PITPNM3: variants seen among roughly 807,000 people sequenced by gnomAD.
PITPNM3 encodes the protein membrane-associated phosphatidylinositol transfer protein 3.
A neutral mutation model predicts 102.0 loss-of-function variants in PITPNM3; 26 were observed. That is an observed-to-expected ratio of 0.25 (90% CI 0.19 to 0.35). The LOEUF is 0.35. Among genes scored for constraint, PITPNM3 ranks in the 10% least tolerant of loss-of-function variants. The pLI, the probability that PITPNM3 is intolerant of heterozygous loss-of-function variation, is 1.00. For missense variants in PITPNM3, 1,083 were observed against 1,346.1 expected (o/e 0.80, Z 3.06); for synonymous variants, 578 against 558.6 (o/e 1.03, Z -0.49).
In PITPNM3 at chr17:6,556,046, T is replaced by A. The variant is rs1910586273; in HGVS notation, c.22+339A>T. On this transcript the variant is annotated intron_variant, in intron 1 of 19. Coordinates refer to ENST00000262483, the MANE Select transcript of PITPNM3 (RefSeq NM_031220.4). The surrounding 1 kb of genome is among the most constrained non-coding windows in gnomAD (Gnocchi z 5.2). ...GAAGCGGCGGCCGCGGGACATCCCC[T>A]TCGGTGGCGAAGCCCGGGTCTGCCC... 6.6e-6 allele frequency among the ~76,000 whole-genome samples: 1 copy of A among 151,944 alleles called. No individual in the cohort carries two copies. Among genetic ancestry groups the A allele is most frequent in the South Asian group, 2.1e-4 (1 of 4,822 alleles).
chr17:6,500,839 C>T (rs1907125294), intron 4 of PITPNM3, among the ~76,000 whole-genome samples: 1 of 152,106 alleles, frequency 6.6e-6, no homozygotes, highest in African/African-American at 2.4e-5. Flanking sequence ...TCACACCTGG[C>T]TAATTTTTGT....
intron 3 of PITPNM3, among the ~76,000 whole-genome samples, chr17:6,505,214 A>ATATG (rs1238892661): frequency 6.7e-6 from 1 of 149,900 alleles, no homozygotes; most frequent in African/African-American, 2.5e-5. Context: ...ATATATATAT[A>ATATG]TGTAAAGCCT....
In PITPNM3 at chr17:6,477,450, G is replaced by C. The variant is rs563221946; in HGVS notation, c.901-237C>G. Among the ~76,000 whole-genome samples, 10 of 152,250 alleles carry C rather than the reference G, an allele frequency of 6.6e-5. No homozygotes were observed. In the East Asian group the frequency reaches 1.9e-3, roughly 29 times the overall value. ...CTGGGATGCTGGATGGCTGTCGAAG[G>C]GGCCAAATCCAGCTCTCCAGGCCTC... On this transcript the variant is annotated intron_variant, in intron 8 of 19. Transcript: ENST00000262483.
At chr17:6,464,053 T>C (rs1325588058) in intron 16 of PITPNM3, 117 bp downstream of exon 16, 2 of 1,541,826 alleles carry the variant, frequency 1.3e-6, no homozygotes, top group African/African-American at 1.4e-5. Context: ...CCTCTGTCCA[T>C]GCAGACAGAG....
At position 6,483,707 on chromosome 17, in the gene PITPNM3, C is replaced by T; in HGVS notation, c.397G>A (p.Val133Ile). Reference sequence around the variant, plus strand: ...TCCAGGATGTTTCCCCCATGCAGGACCAGCAGGAGGACATGTGTCTTGCAG... The same window carrying T: ...TCCAGGATGTTTCCCCCATGCAGGATCAGCAGGAGGACATGTGTCTTGCAG... ...RSCKTHVLLL[V>I]LHGGNILDTG... is the part of the protein sequence containing the mutation. Residue 133 changes from valine to isoleucine, a missense_variant, in exon 6 of 20, where the codon GTC becomes ATC. Transcript: ENST00000262483. The T allele has an allele frequency of 6.2e-7, 1 of 1,613,964 alleles. No homozygotes were observed. The highest frequency in any genetic ancestry group is 8.5e-7 in the Non-Finnish European group (1 of 1,180,016).
At position 6,468,153 on chromosome 17, in the gene PITPNM3, CCCAGCCCCCGGG is replaced by C; in HGVS notation, c.1890+60_1890+71del. ...AAGCGCTTACCTCCCATGTGGATGC[CCCAGCCCCCGGG>C]CCAGCCCCACCTCCCGGAGGACACA... On this transcript the variant is annotated intron_variant, in intron 14 of 19. Coordinates refer to ENST00000262483, the MANE Select transcript of PITPNM3 (RefSeq NM_031220.4). The surrounding 1 kb of genome is among the most constrained non-coding windows in gnomAD (Gnocchi z 5.2). The C allele has an allele frequency of 6.8e-7, 1 of 1,473,514 alleles. No homozygotes were observed. The highest frequency in any genetic ancestry group is 9.5e-7 in the Non-Finnish European group (1 of 1,057,232). The allele number at this position is 1,473,514 out of a possible 1,614,324, so 91.3% of individuals were successfully genotyped here.
intron 3 of PITPNM3, among the ~76,000 whole-genome samples, chr17:6,510,330 T>A (rs1242462115): frequency 6.6e-6 from 1 of 152,176 alleles, no homozygotes; most frequent in African/African-American, 2.4e-5. Context: ...CAAATCTCCC[T>A]GCTTCCCACA....
At chr17:6,501,862 T>A (rs1163527948) in intron 4 of PITPNM3, among the ~76,000 whole-genome samples, 1 of 152,170 alleles carries the variant, frequency 6.6e-6, no homozygotes, top group Non-Finnish European at 1.5e-5. Context: ...AATGGCCCCA[T>A]CTCTCAAAAC....
At position 6,468,203 on chromosome 17, in the gene PITPNM3, T is replaced by G; in HGVS notation, c.1890+22A>C. On this transcript the variant is annotated intron_variant, in intron 14 of 19. Coordinates refer to ENST00000262483, the MANE Select transcript of PITPNM3 (RefSeq NM_031220.4). This position sits in a 1 kb window ranked among gnomAD's most constrained non-coding sequence, Gnocchi z 5.2. ...CCCGGAGGACACAGTCCCAGCCACATGCGAACTGAGCATGCACGCACCCTC... is the reference window on the plus strand; with the variant it reads ...CCCGGAGGACACAGTCCCAGCCACAGGCGAACTGAGCATGCACGCACCCTC... 1.2e-6 allele frequency: 2 copies of G among 1,608,138 alleles called. No homozygotes were observed. The highest frequency in any genetic ancestry group is 2.2e-5 in the East Asian group (1 of 44,844).
chr17:6,547,132 T>C (rs1910066525), intron 1 of PITPNM3, among the ~76,000 whole-genome samples: 1 of 152,172 alleles, frequency 6.6e-6, no homozygotes, highest in South Asian at 2.1e-4. Context: ...ACGATTCTTG[T>C]TGACAGATGA....
intron 14 of PITPNM3, among the ~76,000 whole-genome samples, chr17:6,465,662 C>A (rs72830311): frequency 6.6e-6 from 1 of 152,174 alleles, no homozygotes; most frequent in Non-Finnish European, 1.5e-5. Flanking sequence ...CCAGCCCCAC[C>A]GGGATTATCC....
At position 6,454,181 on chromosome 17, in the gene PITPNM3, G is replaced by A. The variant is rs917951038; in HGVS notation, c.*1157C>T. The A allele has an allele frequency of 2.0e-5, 3 of 152,244 alleles. No individual in the cohort carries two copies. Among genetic ancestry groups the A allele is most frequent in the Non-Finnish European group, 4.4e-5 (3 of 68,050 alleles). 9.4% of individuals were successfully genotyped at this position (152,244 alleles called of 1,614,324 possible). A position where few individuals can be genotyped will look rare whatever the true frequency, so the allele number is the denominator to read the frequency against. ...GGATAAAAGGGTCCTGGCAGAGCTG[G>A]GGTTATGGGGAGCCCAATCAGTAAC... On this transcript the variant is annotated 3_prime_UTR_variant, in exon 20 of 20. Transcript: ENST00000262483.
In PITPNM3 at chr17:6,461,023, G is replaced by A. The variant is rs1378450448; in HGVS notation, c.2490+350C>T. 8.2e-5 allele frequency: 30 copies of A among 363,694 alleles called. No homozygotes were observed. The East Asian group carries it at 2.0e-3, about 24-fold the overall frequency. The allele number at this position is 363,694 out of a possible 1,614,324, so 22.5% of individuals were successfully genotyped here. On this transcript the variant is annotated intron_variant, in intron 18 of 19. Coordinates refer to ENST00000262483, the MANE Select transcript of PITPNM3 (RefSeq NM_031220.4). ...GGAAAGCACATCCTCTGCCCCCCTGGTTCTGTTTGTCTCTGTGCAGCCCCA... is the reference window on the plus strand; with the variant it reads ...GGAAAGCACATCCTCTGCCCCCCTGATTCTGTTTGTCTCTGTGCAGCCCCA...
chr17:6,473,766 C>G (rs1238959503), intron 10 of PITPNM3, among the ~76,000 whole-genome samples: 1 of 152,104 alleles, frequency 6.6e-6, no homozygotes, highest in Non-Finnish European at 1.5e-5. Flanking sequence ...CACTTGAGGT[C>G]AGGAGTTCGA....
Position 6,457,093 on chromosome 17 carries a change from C to T in PITPNM3, c.2619+501G>A, listed in dbSNP as rs1188898845. Among the ~76,000 whole-genome samples the T allele has an allele frequency of 2.0e-5, 3 of 151,798 alleles. No individual in the cohort carries two copies. Among genetic ancestry groups the T allele is most frequent in the Admixed American group, 6.5e-5 (1 of 15,268 alleles). On this transcript the variant is annotated intron_variant, in intron 19 of 19. Transcript: ENST00000262483. This position sits in a 1 kb window ranked among gnomAD's most constrained non-coding sequence, Gnocchi z 4.7. ...CCCCGCCCCCCCACCTCCCAGCTCA[C>T]GTCCCATGCAGCCAAGCTGAGTCAC...
Position 6,546,234 on chromosome 17 carries a change from G to A in PITPNM3, c.23-8152C>T, listed in dbSNP as rs543996730. 4.6e-5 allele frequency among the ~76,000 whole-genome samples: 7 copies of A among 152,332 alleles called. No homozygotes were observed. The South Asian group carries it at 1.2e-3, about 27-fold the overall frequency. The stretch of plus-strand genomic sequence containing the variant: ...CCAAACTGCTATATGTGCCACCGAT[G>A]AGCTCATGTGCTCGTCTGTTTCAGG... On this transcript the variant is annotated intron_variant, in intron 1 of 19. Coordinates refer to ENST00000262483, the MANE Select transcript of PITPNM3 (RefSeq NM_031220.4).
At chr17:6,541,286 AGTGTGTGTGTGTGT>A (rs113549938) in intron 1 of PITPNM3, among the ~76,000 whole-genome samples, 1 of 145,594 alleles carries the variant, frequency 6.9e-6, no homozygotes, top group Non-Finnish European at 1.5e-5. Context: ...ATATGCTAAG[AGTGTGTGTGTGTGT>A]GTGTGTGTGT....
chr17:6,486,777 C>T (rs369331201), intron 4 of PITPNM3, among the ~76,000 whole-genome samples: 5 of 152,316 alleles, frequency 3.3e-5, no homozygotes, highest in South Asian at 2.1e-4. Flanking sequence ...CACAAGACAA[C>T]AGTAACAGCT....
chr17:6,485,120 A>G (rs567365237), intron 4 of PITPNM3, among the ~76,000 whole-genome samples: 10 of 152,014 alleles, frequency 6.6e-5, no homozygotes, highest in African/African-American at 2.4e-4. Flanking sequence ...CCATGCACGA[A>G]AGCCAGTCCC....
Sources: gnomAD v4.1 joint callset for allele counts (sites outside exome capture counted in the v4.1 genomes callset) on GRCh38, gnomAD v4.1.1 for gene constraint, Gnocchi (gnomAD v3.1) non-coding constraint, MANE v1.5 for transcripts, NCBI Gene and HGNC (gene_info 2026-07-23, HGNC 2026-07-21) for gene names.